Variants in RALYL observed in about 807,000 individuals in gnomAD.
RALYL encodes the protein RALY RNA binding protein like, also known as RNA-binding Raly-like protein.
A neutral mutation model predicts 35.1 loss-of-function variants in RALYL; 29 were observed. The ratio of observed to expected loss-of-function variants is 0.83; its 90% CI spans 0.61 to 1.13. The LOEUF is 1.13. Ranked by LOEUF, RALYL falls within the 50% of genes most tolerant of loss-of-function variation. The probability of loss-of-function intolerance (pLI) is 0.00; values close to 1 mark genes in which losing one functional copy is unlikely to be tolerated. For synonymous variants in RALYL, 120 were observed against 127.6 expected (o/e 0.94, Z 0.40); for missense variants, 359 against 360.4 (o/e 1.00, Z 0.03).
intron 2 of RALYL, among the ~76,000 whole-genome samples, chr8:84,584,097 G>A (rs1298853933): frequency 2.6e-5 from 4 of 151,950 alleles, no homozygotes; most frequent in Admixed American, 2.0e-4. Context: ...TATTTTTTGT[G>A]TTACAATCCA....
chr8:84,660,206 A>G (rs550230576), intron 2 of RALYL, among the ~76,000 whole-genome samples: 9 of 152,166 alleles, frequency 5.9e-5, no homozygotes, highest in Non-Finnish European at 1.3e-4. Flanking sequence ...ATTTATGTAC[A>G]TAAAGTTGAG....
intron 8 of RALYL, among the ~76,000 whole-genome samples, chr8:84,920,397 T>C (rs369579842): frequency 6.6e-6 from 1 of 152,152 alleles, no homozygotes; most frequent in Non-Finnish European, 1.5e-5. Context: ...TCAATGTTTC[T>C]GATTTTCTTC....
At chr8:84,874,317 TC>T (rs1368097201) in intron 7 of RALYL, among the ~76,000 whole-genome samples, 1 of 152,140 alleles carries the variant, frequency 6.6e-6, no homozygotes, top group Non-Finnish European at 1.5e-5. Flanking sequence ...CCTTGATAAA[TC>T]CAACCTCTTC....
At chr8:84,336,976 A>G (rs1246170491) in intron 1 of RALYL, among the ~76,000 whole-genome samples, 1 of 142,170 alleles carries the variant, frequency 7.0e-6, no homozygotes, top group Admixed American at 6.9e-5. Flanking sequence ...GCACACTACT[A>G]GTGTTTGTAT....
intron 2 of RALYL, among the ~76,000 whole-genome samples, chr8:84,698,715 G>A (rs903561763): frequency 5.9e-5 from 9 of 152,256 alleles, no homozygotes; most frequent in South Asian, 2.1e-4. Flanking sequence ...AAAGACAGAC[G>A]TTGACTAAGA....
intron 2 of RALYL, among the ~76,000 whole-genome samples, chr8:84,550,067 C>A (rs923941597): frequency 2.6e-5 from 4 of 152,078 alleles, no homozygotes; most frequent in Non-Finnish European, 5.9e-5. Flanking sequence ...TAACATTTAC[C>A]CAGATAGCTA....
intron 2 of RALYL, among the ~76,000 whole-genome samples, chr8:84,709,194 T>C (rs1196016265): frequency 2.0e-5 from 3 of 152,120 alleles, no homozygotes; most frequent in African/African-American, 7.2e-5. Flanking sequence ...AAGTGTTCTG[T>C]AGGGTACCTT....
At chr8:84,280,485 A>T (rs561368285) in intron 1 of RALYL, among the ~76,000 whole-genome samples, 1 of 152,212 alleles carries the variant, frequency 6.6e-6, no homozygotes, top group Non-Finnish European at 1.5e-5. Flanking sequence ...AAGTTTAAAC[A>T]AAATTAGTTT....
chr8:84,422,381 G>A (rs1356643069), intron 1 of RALYL, among the ~76,000 whole-genome samples: 1 of 131,288 alleles, frequency 7.6e-6, no homozygotes, highest in Non-Finnish European at 1.6e-5. Flanking sequence ...ATTTCTGTGG[G>A]ATCGGTGGTG....
intron 1 of RALYL, among the ~76,000 whole-genome samples, chr8:84,389,718 G>A (rs1172974551): frequency 6.7e-6 from 1 of 150,164 alleles, no homozygotes; most frequent in East Asian, 1.9e-4. Context: ...TGCTGAAGTT[G>A]CTTATCAGCT....
intron 2 of RALYL, among the ~76,000 whole-genome samples, chr8:84,674,734 A>G (rs182431488): frequency 1.3e-5 from 2 of 152,286 alleles, no homozygotes; most frequent in East Asian, 1.9e-4. Context: ...TATGGAGAAT[A>G]CTCAATAAAA....
At chr8:84,301,933 C>G (rs73296712) in intron 1 of RALYL, among the ~76,000 whole-genome samples, 7,048 of 151,970 alleles carry the variant, frequency 0.046, 263 homozygotes, top group African/African-American at 0.083. Context: ...GTGTCTTTTG[C>G]TAATAGAGGA....
chr8:84,668,623 GCA>G (rs1832557714), intron 2 of RALYL, among the ~76,000 whole-genome samples: 1 of 151,800 alleles, frequency 6.6e-6, no homozygotes, highest in African/African-American at 2.4e-5. Flanking sequence ...ATCACAGTTG[GCA>G]TTAAATAGAG....
chr8:84,281,789 A>ATG (rs971376399), intron 1 of RALYL, among the ~76,000 whole-genome samples: 7 of 150,786 alleles, frequency 4.6e-5, no homozygotes, highest in East Asian at 3.9e-4. Context: ...CTCTAAGTGT[A>ATG]TGTGTGTGTG....
intron 2 of RALYL, among the ~76,000 whole-genome samples, chr8:84,681,343 G>A (rs1477343363): frequency 6.6e-6 from 1 of 152,096 alleles, no homozygotes; most frequent in African/African-American, 2.4e-5. Flanking sequence ...GGCTCATTTT[G>A]CTTCCATATG....
chr8:84,454,113 G>T (rs1016804135), intron 1 of RALYL, among the ~76,000 whole-genome samples: 5 of 151,974 alleles, frequency 3.3e-5, no homozygotes, highest in African/African-American at 1.2e-4. Flanking sequence ...AAAACAAAAT[G>T]AATATACTGT....
chr8:84,889,562 C>T (rs1382784785), intron 8 of RALYL, among the ~76,000 whole-genome samples: 5 of 152,136 alleles, frequency 3.3e-5, no homozygotes, highest in African/African-American at 1.2e-4. Context: ...TACACCCTGT[C>T]CCAAGATGTC....
At chr8:84,433,843 GTA>G (rs34226254) in intron 1 of RALYL, among the ~76,000 whole-genome samples, 60,667 of 135,062 alleles carry the variant, frequency 0.45, 12,226 homozygotes, top group South Asian at 0.57. Context: ...ATGTGTGTGT[GTA>G]TATATATATA....
At chr8:84,585,311 GT>G (rs1376203853) in intron 2 of RALYL, among the ~76,000 whole-genome samples, 1 of 152,064 alleles carries the variant, frequency 6.6e-6, no homozygotes, top group East Asian at 1.9e-4. Flanking sequence ...TCTGGGAAAA[GT>G]CTAATTCAGT....
Sources: allele counts gnomAD v4.1 joint callset (sites outside exome capture counted in the v4.1 genomes callset), GRCh38; gene constraint gnomAD v4.1.1; transcripts MANE v1.5; gene names NCBI Gene and HGNC (gene_info 2026-07-23, HGNC 2026-07-21).